Variants in LRRC69 observed in about 807,000 individuals in gnomAD.
LRRC69 encodes the protein leucine rich repeat containing 69.
Under a neutral mutation model 37.8 loss-of-function variants are expected in LRRC69, and 42 were observed. The observed-to-expected ratio is 1.11, with a 90% CI of 0.87 to 1.44. The LOEUF is 1.44. LRRC69 is among the 40% of genes most tolerant of loss of function. The pLI is 0.00. For missense variants in LRRC69, 357 were observed against 401.9 expected (o/e 0.89, Z 0.96); for synonymous variants, 141 against 143.1 (o/e 0.99, Z 0.11).
intron 1 of LRRC69, chr8:91,118,107 A>T: frequency 2.2e-6 from 1 of 451,512 alleles, no homozygotes; most frequent in Non-Finnish European, 4.4e-6. Context: ...AGATAGCTAG[A>T]TCTTCCTAAC....
At chr8:91,163,368 T>TAATAATAAG (rs1808978156) in intron 5 of LRRC69, among the ~76,000 whole-genome samples, 1 of 151,484 alleles carries the variant, frequency 6.6e-6, no homozygotes, top group Non-Finnish European at 1.5e-5. Flanking sequence ...CCAAGAGCAG[T>TAATAATAAG]CCTTGGCAAA....
intron 5 of LRRC69, among the ~76,000 whole-genome samples, chr8:91,182,176 A>G (rs912778749): frequency 1.3e-5 from 2 of 152,140 alleles, no homozygotes; most frequent in Non-Finnish European, 2.9e-5. Flanking sequence ...ACAACTATAC[A>G]ACCCATTGAC....
chr8:91,196,773 C>A (rs1586280577), intron 6 of LRRC69, among the ~76,000 whole-genome samples: 2 of 151,328 alleles, frequency 1.3e-5, no homozygotes. Flanking sequence ...TTTTCAACTT[C>A]TTTGCCTTTG....
chr8:91,159,059 A>T (rs917295552), intron 5 of LRRC69, among the ~76,000 whole-genome samples: 20 of 151,208 alleles, frequency 1.3e-4, no homozygotes, highest in Non-Finnish European at 3.0e-4. Flanking sequence ...ATCTATGACC[A>T]GATATTCTCC....
chr8:91,141,283 T>G (rs1166028585), intron 5 of LRRC69, among the ~76,000 whole-genome samples: 2 of 152,048 alleles, frequency 1.3e-5, no homozygotes, highest in Non-Finnish European at 2.9e-5. Flanking sequence ...AAAGGACATG[T>G]CTTTGTTTTC....
At chr8:91,150,884 T>C (rs191860070) in intron 5 of LRRC69, among the ~76,000 whole-genome samples, 1 of 152,142 alleles carries the variant, frequency 6.6e-6, no homozygotes, top group African/African-American at 2.4e-5. Flanking sequence ...GAGGTGTTTA[T>C]AGTATTCTCT....
At chr8:91,132,748 C>T (rs1244067378) in intron 3 of LRRC69, among the ~76,000 whole-genome samples, 1 of 151,904 alleles carries the variant, frequency 6.6e-6, no homozygotes, top group South Asian at 2.1e-4. Context: ...ATGCCTGTTC[C>T]TGTATTGATC....
At chr8:91,133,452 T>A in intron 4 of LRRC69, 147 bp downstream of exon 4, 1 of 533,518 alleles carries the variant, frequency 1.9e-6, no homozygotes, top group East Asian at 3.4e-5. Context: ...CAAATCCCTA[T>A]GACAGAAGAA....
intron 1 of LRRC69, among the ~76,000 whole-genome samples, chr8:91,105,067 G>A (rs1474818057): frequency 6.6e-6 from 1 of 151,902 alleles, no homozygotes; most frequent in Non-Finnish European, 1.5e-5. Flanking sequence ...TCTCAGCCCA[G>A]TGCTTACTTT....
At chr8:91,144,152 G>A (rs1186360430) in intron 5 of LRRC69, among the ~76,000 whole-genome samples, 1 of 151,950 alleles carries the variant, frequency 6.6e-6, no homozygotes, top group African/African-American at 2.4e-5. Context: ...TTTGGTCTGA[G>A]ATACCTGCCC....
intron 1 of LRRC69, among the ~76,000 whole-genome samples, chr8:91,109,332 C>A (rs1813372671): frequency 6.6e-6 from 1 of 152,064 alleles, no homozygotes; most frequent in Non-Finnish European, 1.5e-5. Context: ...TATCTGTAGA[C>A]CTGCCTTGAC....
intron 5 of LRRC69, among the ~76,000 whole-genome samples, chr8:91,140,079 G>A (rs1008267194): frequency 1.7e-4 from 18 of 108,166 alleles, no homozygotes; most frequent in African/African-American, 6.5e-4. Flanking sequence ...CAGCAAAAGC[G>A]AAACTCCGTC....
At position 91,176,134 on chromosome 8, in the gene LRRC69, A is replaced by ATATATATATTT; in HGVS notation, c.652-13387_652-13386insATATATATTTT. Among the ~76,000 whole-genome samples the ATATATATATTT allele has an allele frequency of 2.4e-3, 183 of 75,596 alleles. 2 individuals carry two copies. The highest frequency in any genetic ancestry group is 0.014 in the East Asian group (41 of 2,922). The allele number at this position is 75,596 out of a possible 152,430, so 49.6% of individuals were successfully genotyped here. On this transcript the variant is annotated intron_variant, in intron 5 of 7. Transcript: ENST00000448384. Reference sequence around the variant, plus strand: ...ATCCCTCATATATATATATATATATATTTTTTTTTTTTCTTTTTTTTGAGA... The same window carrying ATATATATATTT: ...ATCCCTCATATATATATATATATATATATATATATTTTTTTTTTTTTTTCTTTTTTTTGAGA...
At chr8:91,134,686 C>G (rs1395358560) in intron 4 of LRRC69, among the ~76,000 whole-genome samples, 2 of 152,014 alleles carry the variant, frequency 1.3e-5, no homozygotes, top group African/African-American at 2.4e-5. Context: ...AACCATCACA[C>G]TAGACTTCTT....
intron 5 of LRRC69, among the ~76,000 whole-genome samples, chr8:91,143,694 C>A (rs958063410): frequency 1.3e-5 from 2 of 151,854 alleles, no homozygotes; most frequent in African/African-American, 4.8e-5. Flanking sequence ...TTCATCAATG[C>A]CCCTTTTTTC....
At chr8:91,129,096 T>C (rs1477863747) in intron 3 of LRRC69, among the ~76,000 whole-genome samples, 5 of 152,084 alleles carry the variant, frequency 3.3e-5, no homozygotes, top group Non-Finnish European at 5.9e-5. Flanking sequence ...TATCAGTTCA[T>C]GGACTTGGAG....
intron 5 of LRRC69, among the ~76,000 whole-genome samples, chr8:91,170,063 G>A (rs1252952875): frequency 7.7e-5 from 9 of 116,876 alleles, no homozygotes; most frequent in African/African-American, 3.1e-4. Context: ...TGGGTCAAAT[G>A]GTATTTCCAG....
chr8:91,218,449 C>A (rs945821888), intron 7 of LRRC69, among the ~76,000 whole-genome samples: 2 of 152,054 alleles, frequency 1.3e-5, no homozygotes, highest in Non-Finnish European at 1.5e-5. Context: ...AGACAGTGAA[C>A]AAAGAATTTT....
intron 5 of LRRC69, among the ~76,000 whole-genome samples, chr8:91,145,237 G>T (rs774894304): frequency 2.0e-5 from 3 of 151,832 alleles, no homozygotes; most frequent in Non-Finnish European, 4.4e-5. Flanking sequence ...TAGCCTAAAA[G>T]TTTAAAAGTG....
Sources: gnomAD v4.1 joint callset for allele counts (sites outside exome capture counted in the v4.1 genomes callset) on GRCh38, gnomAD v4.1.1 for gene constraint, MANE v1.5 for transcripts, NCBI Gene and HGNC (gene_info 2026-07-23, HGNC 2026-07-21) for gene names.